Variants in UNC5D observed in about 807,000 individuals in gnomAD.
UNC5D encodes the protein unc-5 netrin receptor D, also known as netrin receptor UNC5D.
A neutral mutation model predicts 105.4 loss-of-function variants in UNC5D; 39 were observed. That is an observed-to-expected ratio of 0.37 (90% CI 0.29 to 0.48). UNC5D has a LOEUF of 0.48. Among genes scored for constraint, UNC5D ranks in the 20% least tolerant of loss-of-function variants. The pLI, the probability that UNC5D is intolerant of heterozygous loss-of-function variation, is 0.98. For synonymous variants in UNC5D, 452 were observed against 450.4 expected, an observed-to-expected ratio of 1.00 and a Z score of -0.04; for missense variants, 991 against 1,202.4, an observed-to-expected ratio of 0.82 and a Z score of 2.60.
chr8:35,408,452 A>G (rs572789411), intron 1 of UNC5D, among the ~76,000 whole-genome samples: 1 of 150,500 alleles, frequency 6.6e-6, no homozygotes, highest in East Asian at 2.0e-4. Flanking sequence ...CGTTGGAGGA[A>G]CCTCCTTTCT....
chr8:35,365,005 C>G (rs912714333), intron 1 of UNC5D, among the ~76,000 whole-genome samples: 12 of 152,166 alleles, frequency 7.9e-5, no homozygotes, highest in African/African-American at 2.2e-4. Context: ...GTGGATCATG[C>G]TATGCATTTA....
chr8:35,763,054 TTTTG>T (rs999016859), intron 14 of UNC5D, among the ~76,000 whole-genome samples: 2 of 152,188 alleles, frequency 1.3e-5, no homozygotes, highest in African/African-American at 4.8e-5. Context: ...CGTTGGTGTT[TTTTG>T]TTTTTGTTTT....
At chr8:35,468,106 T>C (rs1809443085) in intron 1 of UNC5D, among the ~76,000 whole-genome samples, 2 of 152,200 alleles carry the variant, frequency 1.3e-5, no homozygotes. Flanking sequence ...AATTTCTCAA[T>C]GTCAAAACCA....
chr8:35,574,522 A>G (rs1302671923), intron 3 of UNC5D, among the ~76,000 whole-genome samples: 2 of 152,200 alleles, frequency 1.3e-5, no homozygotes, highest in Non-Finnish European at 2.9e-5. Flanking sequence ...TGAAACTCCC[A>G]TAGTCAAAGA....
intron 2 of UNC5D, among the ~76,000 whole-genome samples, chr8:35,565,020 C>T (rs1053657564): frequency 7.9e-5 from 12 of 152,134 alleles, no homozygotes; most frequent in Admixed American, 4.6e-4. Context: ...GATTCCCTAT[C>T]TTTGCAATTA....
At chr8:35,646,073 A>T (rs1482599585) in intron 4 of UNC5D, among the ~76,000 whole-genome samples, 1 of 152,174 alleles carries the variant, frequency 6.6e-6, no homozygotes, top group East Asian at 1.9e-4. Flanking sequence ...GGATTAGAAT[A>T]ATATCAATTA....
In UNC5D at chr8:35,254,157, GC is replaced by G. The variant is rs377751063; in HGVS notation, c.103+18271del. Among the ~76,000 whole-genome samples the G allele has an allele frequency of 1.3e-4, 20 of 152,258 alleles. 1 individual carries two copies. The highest frequency in any genetic ancestry group is 4.6e-4 in the African/African-American group (19 of 41,552). ...CCAATTATGTTGTAAACTTTTGGAA[GC>G]AGGAAGGATATATTGTTCATCTTTG... is the stretch of plus-strand genomic sequence containing the variant. On this transcript the variant is annotated intron_variant, in intron 1 of 16. Transcript: ENST00000404895.
intron 1 of UNC5D, among the ~76,000 whole-genome samples, chr8:35,447,239 A>G (rs1461204351): frequency 6.6e-6 from 1 of 152,152 alleles, no homozygotes; most frequent in Admixed American, 6.6e-5. Context: ...GTAAATGCTT[A>G]TCACTAACTC....
chr8:35,258,646 T>A (rs987494913), intron 1 of UNC5D, among the ~76,000 whole-genome samples: 3 of 152,144 alleles, frequency 2.0e-5, no homozygotes, highest in African/African-American at 7.2e-5. Flanking sequence ...TATCTACATT[T>A]ATTATTAATA....
At chr8:35,302,866 C>T (rs1429643956) in intron 1 of UNC5D, among the ~76,000 whole-genome samples, 2 of 151,808 alleles carry the variant, frequency 1.3e-5, no homozygotes, top group East Asian at 1.9e-4. Context: ...TTTATAAAAC[C>T]CTACAATGTA....
At chr8:35,714,101 C>G (rs746028412) in intron 8 of UNC5D, among the ~76,000 whole-genome samples, 1 of 152,162 alleles carries the variant, frequency 6.6e-6, no homozygotes, top group Non-Finnish European at 1.5e-5. Flanking sequence ...TGGATATCCA[C>G]TGGGATGTCT....
chr8:35,654,022 T>C (rs944986776), intron 4 of UNC5D, among the ~76,000 whole-genome samples: 31 of 152,352 alleles, frequency 2.0e-4, no homozygotes, highest in African/African-American at 7.5e-4. Flanking sequence ...ATGCTTAGAA[T>C]GTGTTTTTCT....
chr8:35,753,497 CCCACCTCAG>C (rs1830380955), intron 13 of UNC5D, among the ~76,000 whole-genome samples: 1 of 152,172 alleles, frequency 6.6e-6, no homozygotes, highest in Admixed American at 6.5e-5. Context: ...TCTCGATCCG[CCCACCTCAG>C]CCTCCCAAAG....
intron 1 of UNC5D, among the ~76,000 whole-genome samples, chr8:35,304,584 G>C (rs543047226): frequency 1.3e-5 from 2 of 152,008 alleles, no homozygotes; most frequent in African/African-American, 2.4e-5. Flanking sequence ...GTGTGTATGC[G>C]TGCATGTGTG....
At position 35,776,748 on chromosome 8, in the gene UNC5D, AG is replaced by A. The variant is rs545394886; in HGVS notation, c.2657+2272del. On this transcript the variant is annotated intron_variant, in intron 16 of 16. Coordinates refer to ENST00000404895, the MANE Select transcript of UNC5D (RefSeq NM_080872.4). ...AATATGTAGATTCTTAATAAATGCT[AG>A]TTTTCCCCCTTGACATTTTCACAAT... Among the ~76,000 whole-genome samples, 32 of 152,342 alleles carry A rather than the reference AG, an allele frequency of 2.1e-4. 2 individuals are homozygous for A. In the South Asian group the frequency reaches 6.6e-3, roughly 32 times the overall value.
At chr8:35,486,908 G>C (rs1468616985) in intron 1 of UNC5D, among the ~76,000 whole-genome samples, 1 of 152,038 alleles carries the variant, frequency 6.6e-6, no homozygotes, top group Non-Finnish European at 1.5e-5. Context: ...GCTTTCCCAG[G>C]GTCATACAAC....
chr8:35,684,883 G>A, intron 6 of UNC5D, 134 bp downstream of exon 6: 1 of 1,181,354 alleles, frequency 8.5e-7, no homozygotes, highest in Non-Finnish European at 1.1e-6. Flanking sequence ...TATCCAAGGT[G>A]CTAATGTAAA....
chr8:35,349,807 C>T (rs1812072044), intron 1 of UNC5D, among the ~76,000 whole-genome samples: 1 of 151,910 alleles, frequency 6.6e-6, no homozygotes, highest in African/African-American at 2.4e-5. Flanking sequence ...GACATATACT[C>T]AAGGGTAGAG....
intron 4 of UNC5D, among the ~76,000 whole-genome samples, chr8:35,613,024 C>G (rs1248774340): frequency 1.3e-5 from 2 of 151,910 alleles, no homozygotes; most frequent in Non-Finnish European, 2.9e-5. Context: ...CAGAGGTACC[C>G]CACTCTTCAG....
Sources: gnomAD v4.1 joint callset for allele counts (sites outside exome capture counted in the v4.1 genomes callset) on GRCh38, gnomAD v4.1.1 for gene constraint, MANE v1.5 for transcripts, NCBI Gene and HGNC (gene_info 2026-07-23, HGNC 2026-07-21) for gene names.